Variants in NCAM2 observed in about 807,000 individuals in gnomAD.
NCAM2 encodes N-CAM-2.
NCAM2 carries 30 observed loss-of-function variants against 98.1 expected under a neutral mutation model. That is an observed-to-expected ratio of 0.31 (90% CI 0.23 to 0.41). The LOEUF is 0.41. Among genes scored for constraint, NCAM2 ranks in the 10% least tolerant of loss-of-function variants. The probability of loss-of-function intolerance (pLI) is 1.00; values close to 1 mark genes in which losing one functional copy is unlikely to be tolerated. For synonymous variants in NCAM2, 368 were observed against 342.4 expected, an observed-to-expected ratio of 1.07 and a Z score of -0.83; for missense variants, 867 against 1,005.8, an observed-to-expected ratio of 0.86 and a Z score of 1.87.
chr21:21,180,278 T>G (rs1208627723), intron 1 of NCAM2, among the ~76,000 whole-genome samples: 2 of 152,366 alleles, frequency 1.3e-5, no homozygotes, highest in Non-Finnish European at 2.9e-5. Flanking sequence ...TAGTTGTGCC[T>G]TTTATGCGAT....
chr21:21,365,614 G>A (rs1312679816), intron 8 of NCAM2, among the ~76,000 whole-genome samples: 1 of 152,004 alleles, frequency 6.6e-6, no homozygotes, highest in African/African-American at 2.4e-5. Flanking sequence ...TGACATACAT[G>A]ATGGTAGTAG....
intron 1 of NCAM2, among the ~76,000 whole-genome samples, chr21:21,015,376 C>T (rs1251654899): frequency 2.6e-5 from 4 of 152,166 alleles, no homozygotes; most frequent in African/African-American, 9.7e-5. Context: ...TCACTTCAAC[C>T]TTGAGCAAAC....
chr21:21,068,475 T>TTG (rs1396886461), intron 1 of NCAM2, among the ~76,000 whole-genome samples: 2 of 150,216 alleles, frequency 1.3e-5, no homozygotes, highest in African/African-American at 4.9e-5. Context: ...TTTTTTTTTT[T>TTG]TTGAGATGGA....
At chr21:21,087,890 CAG>C (rs1006348246) in intron 1 of NCAM2, among the ~76,000 whole-genome samples, 2 of 151,946 alleles carry the variant, frequency 1.3e-5, no homozygotes, top group African/African-American at 4.8e-5. Context: ...TGTGATCACA[CAG>C]GGAATCGATA....
intron 16 of NCAM2, among the ~76,000 whole-genome samples, chr21:21,532,103 G>A (rs1989736990): frequency 6.6e-6 from 1 of 151,868 alleles, no homozygotes; most frequent in Non-Finnish European, 1.5e-5. Context: ...ATATTCACTT[G>A]ATAATACTTA....
intron 1 of NCAM2, among the ~76,000 whole-genome samples, chr21:21,173,881 A>C (rs181501258): frequency 3.7e-4 from 57 of 152,240 alleles, no homozygotes; most frequent in Non-Finnish European, 6.9e-4. Context: ...AAGGGTTGCA[A>C]GACCTAGGAT....
chr21:21,441,180 A>G (rs1425488969), intron 12 of NCAM2, among the ~76,000 whole-genome samples: 1 of 152,188 alleles, frequency 6.6e-6, no homozygotes. Context: ...AGTTTTCATG[A>G]GAAACCCATA....
chr21:21,293,031 C>A (rs1429916690), intron 5 of NCAM2, among the ~76,000 whole-genome samples: 1 of 151,798 alleles, frequency 6.6e-6, no homozygotes, highest in South Asian at 2.1e-4. Flanking sequence ...AGAACTCCCT[C>A]GCTGTCACAA....
At chr21:21,207,050 C>T (rs2069462554) in intron 1 of NCAM2, among the ~76,000 whole-genome samples, 1 of 152,042 alleles carries the variant, frequency 6.6e-6, no homozygotes, top group Admixed American at 6.6e-5. Flanking sequence ...TTCACATTTA[C>T]TTTAGAAAAT....
chr21:21,188,822 A>T (rs974363590), intron 1 of NCAM2, among the ~76,000 whole-genome samples: 4 of 152,250 alleles, frequency 2.6e-5, no homozygotes, highest in African/African-American at 9.6e-5. Flanking sequence ...GCATATAAAG[A>T]GCTAGATATA....
chr21:21,041,321 C>T (rs1445297020), intron 1 of NCAM2, among the ~76,000 whole-genome samples: 1 of 152,036 alleles, frequency 6.6e-6, no homozygotes, highest in African/African-American at 2.4e-5. Context: ...TTGGGGAAGC[C>T]GTGTTATGCT....
intron 5 of NCAM2, among the ~76,000 whole-genome samples, chr21:21,316,002 A>G (rs1938339408): frequency 6.6e-6 from 1 of 152,154 alleles, no homozygotes; most frequent in Non-Finnish European, 1.5e-5. Flanking sequence ...GAATTAATAT[A>G]TATATTAACA....
chr21:21,298,780 CATAAT>C (rs1431642299), intron 5 of NCAM2, among the ~76,000 whole-genome samples: 2 of 151,528 alleles, frequency 1.3e-5, no homozygotes, highest in Non-Finnish European at 1.5e-5. Context: ...CACTTAGTGT[CATAAT>C]ATCATATTTG....
chr21:21,110,325 C>G (rs1008271523), intron 1 of NCAM2, among the ~76,000 whole-genome samples: 20 of 152,060 alleles, frequency 1.3e-4, no homozygotes, highest in African/African-American at 4.6e-4. Context: ...ACCACCTAAA[C>G]AACTTCCTGT....
At chr21:21,208,126 T>C (rs1175159886) in intron 1 of NCAM2, among the ~76,000 whole-genome samples, 1 of 152,164 alleles carries the variant, frequency 6.6e-6, no homozygotes, top group African/African-American at 2.4e-5. Context: ...TAAGCCCCTT[T>C]GAAGTTAATT....
intron 1 of NCAM2, among the ~76,000 whole-genome samples, chr21:21,188,581 AAT>A (rs2068715462): frequency 6.6e-6 from 1 of 152,162 alleles, no homozygotes; most frequent in Non-Finnish European, 1.5e-5. Context: ...ATGTCCCCTT[AAT>A]AGTAAGCAAG....
chr21:21,266,120 T>A (rs1412978063), intron 1 of NCAM2, among the ~76,000 whole-genome samples: 4 of 151,986 alleles, frequency 2.6e-5, no homozygotes, highest in African/African-American at 4.8e-5. Flanking sequence ...CCTGATATTT[T>A]AAAAAAATGG....
chr21:21,475,845 G>A (rs971346316), intron 14 of NCAM2, among the ~76,000 whole-genome samples: 2 of 152,046 alleles, frequency 1.3e-5, no homozygotes, highest in Non-Finnish European at 2.9e-5. Context: ...CCTTTGTAAT[G>A]GAAGTTCTAT....
chr21:21,309,003 A>G (rs913292567), intron 5 of NCAM2, among the ~76,000 whole-genome samples: 3 of 152,178 alleles, frequency 2.0e-5, no homozygotes, highest in African/African-American at 7.2e-5. Context: ...TTTTTAAAAT[A>G]CCTACCCCAG....
Sources: allele counts gnomAD v4.1 joint callset (sites outside exome capture counted in the v4.1 genomes callset), GRCh38; gene constraint gnomAD v4.1.1; transcripts MANE v1.5; gene names NCBI Gene and HGNC (gene_info 2026-07-23, HGNC 2026-07-21).